DMXL1: variants seen among roughly 807,000 people sequenced by gnomAD.
The protein encoded by DMXL1 is Dmx like 1.
Under a neutral mutation model 319.2 loss-of-function variants are expected in DMXL1, and 99 were observed. That is an observed-to-expected ratio of 0.31 (90% confidence interval 0.26 to 0.37). The LOEUF (loss-of-function observed/expected upper bound fraction) is 0.37. Among genes scored for constraint, DMXL1 ranks in the 10% least tolerant of loss-of-function variants. The pLI is 1.00. For synonymous variants in DMXL1, 1,385 were observed against 1,235.2 expected (o/e 1.12, Z -2.54); for missense variants, 3,745 against 3,595.6 (o/e 1.04, Z -1.06).
In DMXL1 at chr5:119,170,670, A is replaced by C. The variant is rs778846347; in HGVS notation, c.5879A>C (p.Gln1960Pro). 20 of 1,613,722 alleles carry C rather than the reference A, an allele frequency of 1.2e-5. No individual in the cohort carries two copies. Among genetic ancestry groups the C allele is most frequent in the Non-Finnish European group, 1.7e-5 (20 of 1,179,910 alleles). Reference sequence around the variant, plus strand: ...TGGAGCCAACCAAGTGTTGTGTTTCAGGATGACTCTTTAGAGTTAAAATGG... The same window carrying C: ...TGGAGCCAACCAAGTGTTGTGTTTCCGGATGACTCTTTAGAGTTAAAATGG... ...FDWSQPSVVF[Q>P]DDSLELKWDS... Residue 1960 changes from glutamine to proline, a missense_variant, in exon 24 of 44, where the codon CAG (glutamine) becomes CCG (proline). Gln to Pro is a moderately conservative substitution (Grantham distance 76). Around this residue, in one of 4 missense-constraint regions of DMXL1, gnomAD observed 1,382 missense variants for 1,269.5 expected, o/e 1.09. Transcript: ENST00000539542.
At chr5:119,243,152 G>GCT (rs1789137403) in intron 42 of DMXL1, among the ~76,000 whole-genome samples, 2 of 152,158 alleles carry the variant, frequency 1.3e-5, no homozygotes, top group Non-Finnish European at 2.9e-5. Context: ...ATTTGTCAGT[G>GCT]CTCATCAAGG....
intron 13 of DMXL1, among the ~76,000 whole-genome samples, chr5:119,138,528 G>C (rs926908549): frequency 6.6e-6 from 1 of 152,180 alleles, no homozygotes; most frequent in Non-Finnish European, 1.5e-5. Flanking sequence ...TGCCAAGGGT[G>C]AGACTATAGT....
intron 8 of DMXL1, 50 bp downstream of exon 8, chr5:119,119,054 C>A (rs1367313616): frequency 7.6e-7 from 1 of 1,317,060 alleles, no homozygotes; most frequent in Non-Finnish European, 1.0e-6. Flanking sequence ...ACCTTTGGTA[C>A]ATTGCCTTTT....
At chr5:119,075,753 T>C (rs1394762347) in intron 1 of DMXL1, among the ~76,000 whole-genome samples, 4 of 151,492 alleles carry the variant, frequency 2.6e-5, no homozygotes, top group Non-Finnish European at 4.4e-5. Context: ...AAATGGAGGC[T>C]GGGGTCTCCT....
intron 20 of DMXL1, among the ~76,000 whole-genome samples, 159 bp from the exon 21 acceptor site, chr5:119,165,023 CT>C (rs982939926): frequency 6.6e-6 from 1 of 151,934 alleles, no homozygotes; most frequent in Non-Finnish European, 1.5e-5. Flanking sequence ...CTGTAAGTCA[CT>C]TTTGTTATTA....
In DMXL1 at chr5:119,193,850, G is replaced by C; in HGVS notation, c.7337G>C (p.Ser2446Thr). The change falls in exon 30 of 44, where the codon AGT (serine) becomes ACT (threonine). Residue 2446 changes from serine to threonine, a missense_variant. Coordinates refer to ENST00000539542, the MANE Select transcript of DMXL1 (RefSeq NM_001290321.3). Reference sequence around the variant, plus strand: ...TAGCCTTTTCTACCCTCTTCTCAAAGTAGAGCCGAATATGATTCAGAGGAG... The same window carrying C: ...TAGCCTTTTCTACCCTCTTCTCAAACTAGAGCCGAATATGATTCAGAGGAG... Reference protein sequence around the residue: ...IAKPFLPSSQSRAEYDSEESL... With the variant: ...IAKPFLPSSQTRAEYDSEESL... 6.2e-7 allele frequency: 1 copy of C among 1,612,724 alleles called. No individual in the cohort carries two copies. Among genetic ancestry groups the C allele is most frequent in the Non-Finnish European group, 8.5e-7 (1 of 1,179,560 alleles).
chr5:119,210,757 G>GTTTTTTTTTTTTTTTTTTTTTTTTTTTCT, intron 34 of DMXL1, among the ~76,000 whole-genome samples: 1 of 89,778 alleles, frequency 1.1e-5, no homozygotes, highest in Non-Finnish European at 2.1e-5. Context: ...TTTTTCTTTC[G>GTTTTTTTTTTTTTTTTTTTTTTTTTTTCT]TTTTTTTTTT....
At position 119,196,410 on chromosome 5, in the gene DMXL1, C is replaced by T. The variant is rs771013052; in HGVS notation, c.7497C>T (p.Leu2499=). ...LMRLAMVQLV[L]NNLKTFYPFA... is the part of the protein sequence containing the mutation. ...GGTTGGCGATGGTGCAATTGGTGCT[C>T]AACAATTTGAAGACTTTTTATCCCT... The change falls in exon 31 of 44, where the codon CTC becomes CTT. Residue 2499 remains leucine, a synonymous_variant. Coordinates refer to ENST00000539542, the MANE Select transcript of DMXL1 (RefSeq NM_001290321.3). 6 of 1,612,582 alleles carry T rather than the reference C, an allele frequency of 3.7e-6. No individual in the cohort carries two copies. The highest frequency in any genetic ancestry group is 5.1e-6 in the Non-Finnish European group (6 of 1,179,326).
At chr5:119,159,843 C>T (rs778325751) in intron 19 of DMXL1, among the ~76,000 whole-genome samples, 1 of 152,110 alleles carries the variant, frequency 6.6e-6, no homozygotes, top group Non-Finnish European at 1.5e-5. Flanking sequence ...AGGCTGGTCT[C>T]GAACTCCTGG....
In DMXL1 at chr5:119,171,765, C is replaced by T; in HGVS notation, c.6490-13C>T. On this transcript the variant is annotated splice_polypyrimidine_tract_variant and intron_variant, in intron 24 of 43. Coordinates refer to ENST00000539542, the MANE Select transcript of DMXL1 (RefSeq NM_001290321.3). ...AATAGTTGGTTAACCTTTTATCCCT[C>T]TTTGTTTTTAAGGAAACATCAGAAC... 6.3e-7 allele frequency: 1 copy of T among 1,595,154 alleles called. No individual in the cohort carries two copies. Among genetic ancestry groups the T allele is most frequent in the South Asian group, 1.1e-5 (1 of 87,678 alleles).
At chr5:119,159,133 CT>C (rs374418343) in intron 19 of DMXL1, among the ~76,000 whole-genome samples, 6,072 of 147,338 alleles carry the variant, frequency 0.041, 320 homozygotes, top group African/African-American at 0.13. Context: ...TGATGGGAGA[CT>C]TTTTTTTTTT....
chr5:119,130,183 G>T (rs1244056146), intron 10 of DMXL1, among the ~76,000 whole-genome samples: 15 of 152,028 alleles, frequency 9.9e-5, no homozygotes, highest in African/African-American at 3.6e-4. Context: ...CAGGTACACA[G>T]ATAGTTATGA....
At chr5:119,176,217 TA>T (rs957510404) in intron 26 of DMXL1, among the ~76,000 whole-genome samples, 34 of 152,066 alleles carry the variant, frequency 2.2e-4, no homozygotes, top group East Asian at 5.8e-4. Context: ...ATTTCTTGAT[TA>T]AAAAAAATTA....
At chr5:119,206,721 TGTTCTTTTC>T in intron 33 of DMXL1, 104 bp from the exon 34 acceptor site, 1 of 603,584 alleles carries the variant, frequency 1.7e-6, no homozygotes, top group Non-Finnish European at 2.8e-6. Flanking sequence ...CTCCATATAA[TGTTCTTTTC>T]TAGTAAATTT....
intron 34 of DMXL1, among the ~76,000 whole-genome samples, chr5:119,216,048 A>C (rs1196900599): frequency 7.9e-6 from 1 of 127,224 alleles, no homozygotes; most frequent in Non-Finnish European, 1.6e-5. Flanking sequence ...GTGAGCTGAG[A>C]CTGTGGGCCA....
intron 28 of DMXL1, among the ~76,000 whole-genome samples, chr5:119,184,199 G>A (rs1409401508): frequency 6.6e-6 from 1 of 152,050 alleles, no homozygotes; most frequent in African/African-American, 2.4e-5. Context: ...GGGACTATAG[G>A]TGCAGGCCAT....
chr5:119,077,587 G>T (rs1431589131), intron 1 of DMXL1, among the ~76,000 whole-genome samples: 2 of 135,716 alleles, frequency 1.5e-5, no homozygotes, highest in Non-Finnish European at 3.1e-5. Flanking sequence ...GGCCTGAAGC[G>T]ATCCTCCCAC....
At chr5:119,220,348 T>C (rs1784444398) in intron 35 of DMXL1, 124 bp from the exon 36 acceptor site, 1 of 741,854 alleles carries the variant, frequency 1.3e-6, no homozygotes, top group Non-Finnish European at 2.1e-6. Flanking sequence ...GTAAGAATGC[T>C]GTATATCCTG....
At chr5:119,206,022 G>A (rs1690639063) in intron 33 of DMXL1, among the ~76,000 whole-genome samples, 1 of 151,992 alleles carries the variant, frequency 6.6e-6, no homozygotes, top group African/African-American at 2.4e-5. Flanking sequence ...AAATTTTACA[G>A]TTTCTTCATC....
Sources: allele counts gnomAD v4.1 joint callset (sites outside exome capture counted in the v4.1 genomes callset), GRCh38; gene constraint gnomAD v4.1.1; regional missense constraint gnomAD v4.1.1; transcripts MANE v1.5; gene names NCBI Gene and HGNC (gene_info 2026-07-23, HGNC 2026-07-21).